SP140L: variants seen among roughly 807,000 people sequenced by gnomAD.
The protein encoded by SP140L is SP140 like nuclear body protein.
Under a neutral mutation model 84.3 loss-of-function variants are expected in SP140L, and 64 were observed. That is an observed-to-expected ratio of 0.76 (90% CI 0.62 to 0.94). The LOEUF (loss-of-function observed/expected upper bound fraction) is 0.94, where lower values mean the gene tolerates loss of function less well. Ranked by LOEUF, SP140L falls within the 40% of genes least tolerant of loss-of-function variation. SP140L has a pLI of 0.00. For synonymous variants in SP140L, 242 were observed against 236.9 expected (o/e 1.02, Z -0.20); for missense variants, 628 against 692.5 (o/e 0.91, Z 1.05).
chr2:230,396,808 A>T lies in SP140L; in HGVS notation c.1197+10A>T, dbSNP rs747972285. 1.1e-5 allele frequency: 18 copies of T among 1,613,890 alleles called. No homozygotes were observed. The East Asian group carries it at 4.0e-4, about 36-fold the overall frequency. On this transcript the variant is annotated intron_variant, in intron 14 of 18. Transcript: ENST00000415673. ...CTCAGTTGACCCTTGTGTAAGTATA[A>T]ATTCTGAACTACAACCCCCAGAATA...
chr2:230,368,330 A>G (rs1280452719), intron 5 of SP140L, among the ~76,000 whole-genome samples: 1 of 152,150 alleles, frequency 6.6e-6, no homozygotes. Context: ...TTTGCCAAAA[A>G]AGTTCATTGC....
chr2:230,383,992 TG>T (rs1240928142), intron 8 of SP140L, among the ~76,000 whole-genome samples: 1 of 152,166 alleles, frequency 6.6e-6, no homozygotes, highest in South Asian at 2.1e-4. Context: ...TATGTTTTTA[TG>T]TATCTATCAA....
chr2:230,338,761 T>G (rs2059949409), intron 2 of SP140L, among the ~76,000 whole-genome samples: 1 of 137,030 alleles, frequency 7.3e-6, no homozygotes. Flanking sequence ...AATCATGTGG[T>G]TTTTGTCTTT....
intron 13 of SP140L, among the ~76,000 whole-genome samples, chr2:230,395,641 G>A (rs2062016000): frequency 6.6e-6 from 1 of 152,158 alleles, no homozygotes; most frequent in Admixed American, 6.5e-5. Flanking sequence ...ACAAATGGGT[G>A]GAGTAGGAGA....
Position 230,401,082 on chromosome 2 carries a change from C to G in SP140L, c.1422+19C>G. 2 of 1,057,206 alleles carry G rather than the reference C, an allele frequency of 1.9e-6. No homozygotes were observed. Among genetic ancestry groups the G allele is most frequent in the Non-Finnish European group, 2.7e-6 (2 of 733,240 alleles). 65.5% of individuals were successfully genotyped at this position (1,057,206 alleles called of 1,614,324 possible). ...ACAGTTGGTAAATCAGATGCAAACC[C>G]CAAGCCTTCTCCTTTCCCCTCACAC... On this transcript the variant is annotated intron_variant, in intron 16 of 18. Transcript: ENST00000415673.
intron 5 of SP140L, among the ~76,000 whole-genome samples, chr2:230,364,079 T>C (rs2060800230): frequency 6.6e-6 from 1 of 152,206 alleles, no homozygotes; most frequent in East Asian, 1.9e-4. Flanking sequence ...GTAGTATATA[T>C]TGAAGTCAGG....
At position 230,390,721 on chromosome 2, in the gene SP140L, A is replaced by C. The variant is rs550904121; in HGVS notation, c.964+698A>C. Among the ~76,000 whole-genome samples the C allele has an allele frequency of 4.6e-5, 7 of 152,220 alleles. No homozygotes were observed. In the South Asian group the frequency reaches 1.2e-3, roughly 27 times the overall value. On this transcript the variant is annotated intron_variant, in intron 11 of 18. Coordinates refer to ENST00000415673, the MANE Select transcript of SP140L (RefSeq NM_138402.6). ...CATTGTGACTTTTTTTAACAGCTTA[A>C]CTGAAATACAGTTCATGTATCATGT...
In SP140L at chr2:230,370,943, A is replaced by G; in HGVS notation, c.559A>G (p.Ser187Gly). 1 of 1,613,776 alleles carries G rather than the reference A, an allele frequency of 6.2e-7. No individual in the cohort carries two copies. The highest frequency in any genetic ancestry group is 8.5e-7 in the Non-Finnish European group (1 of 1,179,812). ...AGAAAGCCCGGAAGCAAGGAAGGAA[A>G]GTGACCAAGCATGTGGCAAAATGGG... ...VPESPEARKE[S>G]DQACGKMDTV... The change falls in exon 6 of 19, where the codon AGT becomes GGT. Residue 187 changes from serine (S) to glycine (G), a missense_variant. Physicochemically the swap from Ser to Gly is moderately conservative, Grantham distance 56. This residue lies in a region of SP140L where 525 missense variants were observed against 518.4 expected (regional missense o/e 1.01). Coordinates refer to ENST00000415673, the MANE Select transcript of SP140L (RefSeq NM_138402.6).
At chr2:230,351,420 G>A (rs2060360528) in intron 2 of SP140L, among the ~76,000 whole-genome samples, 1 of 148,096 alleles carries the variant, frequency 6.8e-6, no homozygotes, top group Non-Finnish European at 1.5e-5. Flanking sequence ...CCATGTTGGA[G>A]GGATTGTTTG....
At position 230,400,110 on chromosome 2, in the gene SP140L, ACT is replaced by A. The variant is rs755325131; in HGVS notation, c.1198-16_1198-15del. The A allele has an allele frequency of 2.9e-5, 46 of 1,613,424 alleles. No homozygotes were observed. Among genetic ancestry groups the A allele is most frequent in the Non-Finnish European group, 3.8e-5 (45 of 1,179,722 alleles). The stretch of plus-strand genomic sequence containing the variant: ...TCTTGTGATTCCCAGTGACGTGGAC[ACT>A]GTTTTACCTTCTAGATGAGAAACTT... On this transcript the variant is annotated splice_polypyrimidine_tract_variant and intron_variant, in intron 14 of 18. Transcript: ENST00000415673.
chr2:230,370,915 G>A lies in SP140L; in HGVS notation c.531G>A (p.Val177=). The A allele has an allele frequency of 2.5e-6, 4 of 1,613,552 alleles. No individual in the cohort carries two copies. Among genetic ancestry groups the A allele is most frequent in the Non-Finnish European group, 3.4e-6 (4 of 1,179,700 alleles). Reference sequence around the variant, plus strand: ...ATGTCATGTGTTTCTCAGGAGAAGTGCCAGAAAGCCCGGAAGCAAGGAAGG... The same window carrying A: ...ATGTCATGTGTTTCTCAGGAGAAGTACCAGAAAGCCCGGAAGCAAGGAAGG... ...DIKLSLKQGE[V]PESPEARKES... is the part of the protein sequence containing the mutation. Residue 177 remains valine (V), a synonymous_variant, in exon 6 of 19, where the codon GTG becomes GTA. Transcript: ENST00000415673.
chr2:230,389,798 C>T, intron 10 of SP140L, 121 bp from the exon 11 acceptor site: 3 of 968,418 alleles, frequency 3.1e-6, no homozygotes, highest in Non-Finnish European at 1.6e-6. Context: ...CTTTGAAACT[C>T]TAGAGATTTA....
intron 2 of SP140L, among the ~76,000 whole-genome samples, chr2:230,342,652 A>G (rs531070705): frequency 3.9e-5 from 6 of 151,930 alleles, no homozygotes; most frequent in Admixed American, 3.9e-4. Context: ...GAATTTATCT[A>G]TTTCTTCTAG....
Position 230,400,144 on chromosome 2 carries a change from G to A in SP140L, c.1215G>A (p.Glu405=). Residue 405 remains glutamate (E), a synonymous_variant, in exon 15 of 19, where the codon GAG becomes GAA. Transcript: ENST00000415673. ...SVDPCMRNLD[E]CEVCRDGGEL... Reference sequence around the variant, plus strand: ...CCTTCTAGATGAGAAACTTGGATGAGTGTGAGGTGTGCCGGGACGGAGGGG... The same window carrying A: ...CCTTCTAGATGAGAAACTTGGATGAATGTGAGGTGTGCCGGGACGGAGGGG... 1.2e-6 allele frequency: 2 copies of A among 1,614,184 alleles called. No homozygotes were observed. Among genetic ancestry groups the A allele is most frequent in the South Asian group, 2.2e-5 (2 of 91,088 alleles).
chr2:230,361,270 G>A (rs985813698), intron 4 of SP140L, among the ~76,000 whole-genome samples: 6 of 152,090 alleles, frequency 3.9e-5, no homozygotes, highest in African/African-American at 1.4e-4. Flanking sequence ...CTTTTATAAT[G>A]GAATCTCTCT....
chr2:230,361,666 G>C lies in SP140L; in HGVS notation c.492G>C (p.Glu164Asp). 3.2e-6 allele frequency: 5 copies of C among 1,562,892 alleles called. No individual in the cohort carries two copies. The highest frequency in any genetic ancestry group is 3.5e-6 in the Non-Finnish European group (4 of 1,152,514). ...AAAGTGATCGAAAAGAAAGGGAAGA[G>C]AGGCCTGACATCAAACTAAGTCTTA... Reference protein sequence around the residue: ...FQESDRKEREERPDIKLSLKQ... With the variant: ...FQESDRKEREDRPDIKLSLKQ... Residue 164 changes from glutamate to aspartate, a missense_variant, in exon 5 of 19, where the codon GAG (glutamate) becomes GAC (aspartate). This residue lies in a region of SP140L where 525 missense variants were observed against 518.4 expected (regional missense o/e 1.01). Coordinates refer to ENST00000415673, the MANE Select transcript of SP140L (RefSeq NM_138402.6).
chr2:230,372,652 G>A (rs1200188959), intron 7 of SP140L: 1 of 149,638 alleles, frequency 6.7e-6, no homozygotes, highest in Non-Finnish European at 1.5e-5. Flanking sequence ...ATGAACCTGG[G>A]AGGCGGAGCT....
chr2:230,354,894 A>AAAGAAAGAAAGAAAGAAAAGAAAGAAAGG (rs1221299840), intron 2 of SP140L, among the ~76,000 whole-genome samples: 1 of 148,562 alleles, frequency 6.7e-6, no homozygotes, highest in African/African-American at 2.5e-5. Flanking sequence ...AGAAAGAAAG[A>AAAGAAAGAAAGAAAGAAAAGAAAGAAAGG]AAGGAAAGAG....
intron 2 of SP140L, among the ~76,000 whole-genome samples, chr2:230,351,245 GTCTGTTTC>G (rs2060355998): frequency 6.6e-6 from 1 of 152,224 alleles, no homozygotes; most frequent in African/African-American, 2.4e-5. Flanking sequence ...AGCCATGAGT[GTCTGTTTC>G]TCTGAATCTT....
Sources: allele counts gnomAD v4.1 joint callset (sites outside exome capture counted in the v4.1 genomes callset), GRCh38; gene constraint gnomAD v4.1.1; regional missense constraint gnomAD v4.1.1; transcripts MANE v1.5; gene names NCBI Gene and HGNC (gene_info 2026-07-23, HGNC 2026-07-21).